Variants in TMEM232 observed in about 807,000 individuals in gnomAD.
TMEM232 encodes the protein transmembrane protein 232.
A neutral mutation model predicts 78.8 loss-of-function variants in TMEM232; 80 were observed. The ratio of observed to expected loss-of-function variants is 1.01; its 90% confidence interval spans 0.85 to 1.22. The LOEUF is 1.22. TMEM232 is among the 50% of genes most tolerant of loss of function. The pLI is 0.00. For synonymous variants in TMEM232, 297 were observed against 254.3 expected (o/e 1.17, Z -1.60); for missense variants, 881 against 742.2 (o/e 1.19, Z -2.17).
intron 1 of TMEM232, among the ~76,000 whole-genome samples, chr5:110,686,842 T>G (rs1258690157): frequency 2.0e-5 from 3 of 152,158 alleles, no homozygotes; most frequent in Non-Finnish European, 4.4e-5. Flanking sequence ...TTGGGCAGCT[T>G]CACAGTCATG....
intron 1 of TMEM232, among the ~76,000 whole-genome samples, chr5:110,712,936 A>G (rs947207556): frequency 3.3e-5 from 5 of 152,332 alleles, no homozygotes; most frequent in East Asian, 1.9e-4. Flanking sequence ...GGAAATTAGT[A>G]TATCAAAAAG....
At chr5:110,731,626 C>T (rs890933982), upstream of TMEM232, among the ~76,000 whole-genome samples, 1 of 151,900 alleles carries the variant, frequency 6.6e-6, no homozygotes, top group Non-Finnish European at 1.5e-5. Context: ...CCAAGCTCTA[C>T]ACTGGCCCCT....
chr5:110,665,848 A>C (rs983073322), intron 2 of TMEM232, among the ~76,000 whole-genome samples: 1 of 144,740 alleles, frequency 6.9e-6, no homozygotes, highest in Admixed American at 7.2e-5. Flanking sequence ...TGAGGCCAGG[A>C]GTTCAAGACC....
intron 1 of TMEM232, among the ~76,000 whole-genome samples, chr5:110,712,712 A>C (rs999430981): frequency 6.6e-6 from 1 of 152,150 alleles, no homozygotes; most frequent in Non-Finnish European, 1.5e-5. Context: ...GAGGAGATAC[A>C]ATGTCACCCA....
intron 10 of TMEM232, among the ~76,000 whole-genome samples, chr5:110,594,166 C>T (rs1212187706): frequency 6.6e-6 from 1 of 151,794 alleles, no homozygotes; most frequent in Non-Finnish European, 1.5e-5. Context: ...CAAGCAGAAG[C>T]ATGGTGGGGC....
intron 3 of TMEM232, among the ~76,000 whole-genome samples, chr5:110,394,506 C>A (rs1755317124): frequency 6.6e-6 from 1 of 152,158 alleles, no homozygotes; most frequent in South Asian, 2.1e-4. Context: ...TGAGGAACTT[C>A]CAAGCTGTTC....
At chr5:110,524,411 G>GAAAGAAAGAAAGA (rs1554098914) in intron 12 of TMEM232, among the ~76,000 whole-genome samples, 37 of 61,440 alleles carry the variant, frequency 6.0e-4, no homozygotes, top group Admixed American at 4.2e-3. Flanking sequence ...AAGAAAGAAA[G>GAAAGAAAGAAAGA]AAAGAAAAGA....
chr5:110,684,160 G>A (rs577984203), intron 1 of TMEM232, among the ~76,000 whole-genome samples: 1 of 151,834 alleles, frequency 6.6e-6, no homozygotes, highest in Admixed American at 6.6e-5. Flanking sequence ...AACCATAAAA[G>A]GGTGTCTATA....
chr5:110,389,313 G>A (rs1013155111), intron 4 of TMEM232, among the ~76,000 whole-genome samples: 1 of 151,164 alleles, frequency 6.6e-6, no homozygotes, highest in African/African-American at 2.4e-5. Flanking sequence ...TCTCTAAGCA[G>A]AGGCGTATTT....
Position 110,420,600 on chromosome 5 carries a change from A to C in TMEM232, c.1954T>G (p.Tyr652Asp). The C allele has an allele frequency of 6.8e-7, 1 of 1,479,108 alleles. No individual in the cohort carries two copies. The highest frequency in any genetic ancestry group is 8.9e-7 in the Non-Finnish European group (1 of 1,128,876). The allele number at this position is 1,479,108 out of a possible 1,614,324, so 91.6% of individuals were successfully genotyped here. A position where few individuals can be genotyped will look rare whatever the true frequency, so the allele number is the denominator to read the frequency against. ...HKQTKPYELP[Y>D]RKEVI ...TCTAATTAAATTACTTCCTTCCTAT[A>C]AGGAAGTTCATAGGGCTTGGTTTGC... is the stretch of plus-strand genomic sequence containing the variant. The change falls in exon 14 of 14, where the codon TAT (tyrosine) becomes GAT (aspartate). Residue 652 changes from tyrosine to aspartate, a missense_variant. Tyr to Asp is a radical substitution (Grantham distance 160). Coordinates refer to ENST00000455884, the MANE Select transcript of TMEM232 (RefSeq NM_001039763.4).
intron 6 of TMEM232, 62 bp downstream of exon 6, chr5:110,627,719 G>T: frequency 8.6e-7 from 1 of 1,162,370 alleles, no homozygotes; most frequent in Non-Finnish European, 1.2e-6. Context: ...TATAGTGACA[G>T]TCTGAGCTTA....
At chr5:110,434,796 A>G (rs1311460181) in intron 12 of TMEM232, among the ~76,000 whole-genome samples, 1 of 152,170 alleles carries the variant, frequency 6.6e-6, no homozygotes, top group Non-Finnish European at 1.5e-5. Flanking sequence ...AAGACGGTTC[A>G]ACATATGCAA....
chr5:110,633,260 AGAT>A (rs1482919162), intron 5 of TMEM232, among the ~76,000 whole-genome samples: 12 of 152,230 alleles, frequency 7.9e-5, no homozygotes, highest in African/African-American at 9.6e-5. Flanking sequence ...GGAAGAGGAA[AGAT>A]GATAGTTATT....
chr5:110,482,043 T>G (rs1763926902), intron 12 of TMEM232, among the ~76,000 whole-genome samples: 1 of 152,014 alleles, frequency 6.6e-6, no homozygotes, highest in African/African-American at 2.4e-5. Flanking sequence ...AGGTAAACAT[T>G]AAACCAAGAA....
chr5:110,453,616 GT>G (rs1760564386), intron 12 of TMEM232, among the ~76,000 whole-genome samples: 1 of 152,052 alleles, frequency 6.6e-6, no homozygotes, highest in Non-Finnish European at 1.5e-5. Context: ...TGATAGTACG[GT>G]GCTTATTCAG....
rs1224822857 is a variant in TMEM232, at chr5:110,605,258, T to A, written c.1127A>T (p.Asp376Val). 2.6e-6 allele frequency: 4 copies of A among 1,551,260 alleles called. No homozygotes were observed. In the South Asian group the frequency reaches 4.8e-5, roughly 18 times the overall value. ...ACCAATTAAAGCAGTTTTTCGCAAA[T>A]CAGAAGTGGCTGCATACAAGCAGAT... The part of the protein sequence containing the change: ...AEICLYAATS[D>V]LRKTALIGFC... The change falls in exon 10 of 14, where the codon GAT (aspartate) becomes GTT (valine). Residue 376 changes from aspartate (D) to valine (V), a missense_variant. Asp to Val is a radical substitution (Grantham distance 152). Transcript: ENST00000455884.
chr5:110,643,641 A>C (rs1167342328), intron 2 of TMEM232, among the ~76,000 whole-genome samples: 2 of 152,190 alleles, frequency 1.3e-5, no homozygotes, highest in East Asian at 3.9e-4. Context: ...TATTGGAAAG[A>C]ATAATCTGAA....
intron 12 of TMEM232, among the ~76,000 whole-genome samples, chr5:110,524,735 A>C (rs933289699): frequency 6.6e-6 from 1 of 152,034 alleles, no homozygotes; most frequent in Non-Finnish European, 1.5e-5. Context: ...TCCATTATTG[A>C]ATGTGGGGTA....
intron 12 of TMEM232, among the ~76,000 whole-genome samples, chr5:110,511,587 T>G (rs1767761447): frequency 6.6e-6 from 1 of 152,156 alleles, no homozygotes; most frequent in Non-Finnish European, 1.5e-5. Flanking sequence ...GTGCTTACAG[T>G]GCCAGGTACT....
Sources: gnomAD v4.1 joint callset for allele counts (sites outside exome capture counted in the v4.1 genomes callset) on GRCh38, gnomAD v4.1.1 for gene constraint, MANE v1.5 for transcripts, NCBI Gene and HGNC (gene_info 2026-07-23, HGNC 2026-07-21) for gene names.